DNAJC6: variants seen among roughly 807,000 people sequenced by gnomAD.
The protein encoded by DNAJC6 is auxilin.
Under a neutral mutation model 110.0 loss-of-function variants are expected in DNAJC6, and 34 were observed. That is an observed-to-expected ratio of 0.31 (90% CI 0.24 to 0.41). DNAJC6 has a LOEUF of 0.41. Ranked by LOEUF, DNAJC6 falls within the 10% of genes least tolerant of loss-of-function variation. DNAJC6 has a pLI of 1.00. For missense variants in DNAJC6, 1,031 were observed against 1,207.8 expected (o/e 0.85, Z 2.17); for synonymous variants, 406 against 437.2 (o/e 0.93, Z 0.89).
intron 1 of DNAJC6, among the ~76,000 whole-genome samples, chr1:65,316,395 A>G (rs1400574633): frequency 6.6e-6 from 1 of 152,248 alleles, no homozygotes; most frequent in Non-Finnish European, 1.5e-5. Context: ...GGCTGCATGC[A>G]ATGGTCATTC....
intron 1 of DNAJC6, among the ~76,000 whole-genome samples, chr1:65,344,819 C>T (rs929619684): frequency 6.6e-6 from 1 of 152,104 alleles, no homozygotes; most frequent in Non-Finnish European, 1.5e-5. Flanking sequence ...GACCACATAC[C>T]TTTGCTTGGT....
intron 15 of DNAJC6, 80 bp from the exon 16 acceptor site, chr1:65,405,790 A>G: frequency 6.7e-7 from 1 of 1,490,740 alleles, no homozygotes; most frequent in Non-Finnish European, 9.0e-7. Context: ...TATTAAAGCC[A>G]CTGCAAACAG....
At chr1:65,386,560 AAAGCAGGC>A (rs1200192837) in intron 7 of DNAJC6, among the ~76,000 whole-genome samples, 1 of 152,246 alleles carries the variant, frequency 6.6e-6, no homozygotes, top group East Asian at 1.9e-4. Flanking sequence ...TGAGATCTGC[AAAGCAGGC>A]ATGGGCAATT....
intron 1 of DNAJC6, among the ~76,000 whole-genome samples, chr1:65,335,623 G>A (rs2101468583): frequency 6.6e-6 from 1 of 152,272 alleles, no homozygotes; most frequent in Non-Finnish European, 1.5e-5. Flanking sequence ...GGGGAATAGT[G>A]GAATTGTAAG....
intron 1 of DNAJC6, among the ~76,000 whole-genome samples, chr1:65,273,740 G>A (rs925533306): frequency 1.3e-5 from 2 of 152,034 alleles, no homozygotes; most frequent in African/African-American, 4.8e-5. Context: ...CCATAAGGTA[G>A]TGTAACAACA....
In DNAJC6 at chr1:65,309,609, C is replaced by G; in HGVS notation, c.-137C>G. On this transcript the variant is annotated 5_prime_UTR_variant, in exon 1 of 19. Transcript: ENST00000371069. ...CGAAGCTTCTCTCCGGTGGCCGCTC[C>G]TTCTTTTCCCTCCTCTTTGCGTCAT... The G allele has an allele frequency of 7.4e-7, 1 of 1,351,588 alleles. No individual in the cohort carries two copies. Among genetic ancestry groups the G allele is most frequent in the South Asian group, 1.7e-5 (1 of 58,876 alleles). The allele number at this position is 1,351,588 out of a possible 1,614,324, so 83.7% of individuals were successfully genotyped here.
chr1:65,302,184 ATTATG>A lies in DNAJC6; in HGVS notation c.-131+37256_-131+37260del, dbSNP rs59330820. ...TATATATTATATTATACATTTATAT[ATTATG>A]TTAATATATACATTAATATATTATA... On this transcript the variant is annotated intron_variant, in intron 1 of 19. Transcript: ENST00000263441. Among the ~76,000 whole-genome samples the A allele has an allele frequency of 5.0e-5, 5 of 100,882 alleles. No individual in the cohort carries two copies. The East Asian group carries it at 1.1e-3, about 22-fold the overall frequency. The allele number at this position is 100,882 out of a possible 152,430, so 66.2% of individuals were successfully genotyped here.
intron 1 of DNAJC6, among the ~76,000 whole-genome samples, chr1:65,276,239 C>CAT (rs1175055328): frequency 6.6e-6 from 1 of 152,206 alleles, no homozygotes; most frequent in Non-Finnish European, 1.5e-5. Context: ...TTCTCAAATA[C>CAT]ATACATCACA....
intron 1 of DNAJC6, among the ~76,000 whole-genome samples, chr1:65,278,293 G>A (rs1043487557): frequency 6.6e-6 from 1 of 152,042 alleles, no homozygotes; most frequent in African/African-American, 2.4e-5. Flanking sequence ...TCAATATTAT[G>A]GCAATTCTAG....
intron 1 of DNAJC6, among the ~76,000 whole-genome samples, chr1:65,288,678 C>T (rs571329137): frequency 1.6e-4 from 25 of 152,260 alleles, no homozygotes; most frequent in Non-Finnish European, 2.9e-4. Context: ...TCCTGACAAC[C>T]CTCCAACCTC....
At chr1:65,319,621 GAAAAAATA>G (rs374216917) in intron 1 of DNAJC6, among the ~76,000 whole-genome samples, 7 of 151,002 alleles carry the variant, frequency 4.6e-5, no homozygotes, top group Non-Finnish European at 8.8e-5. Flanking sequence ...GAATTCTCTG[GAAAAAATA>G]AAAAAAACAA....
intron 11 of DNAJC6, among the ~76,000 whole-genome samples, chr1:65,389,857 T>A (rs1404331391): frequency 6.6e-6 from 1 of 152,080 alleles, no homozygotes; most frequent in Non-Finnish European, 1.5e-5. Context: ...CAAAAAATTT[T>A]AAAAAATTAG....
rs200138922 is a variant in DNAJC6 at position 65,411,302 on chromosome 1, C to T, written c.2687C>T (p.Thr896Met). The change falls in exon 18 of 19, where the codon ACG becomes ATG. Residue 896 changes from threonine to methionine, a missense_variant. Transcript: ENST00000371069. ...KERNIRALLS[T>M]MHTVLWAGET... The stretch of plus-strand genomic sequence containing the variant: ...AGAAATATCAGAGCCCTTCTTTCCA[C>T]GATGCATACCGTACTATGGGCTGGG... 4.7e-5 allele frequency: 76 copies of T among 1,613,864 alleles called. 1 individual carries two copies. Among genetic ancestry groups the T allele is most frequent in the South Asian group, 1.6e-4 (15 of 91,068 alleles).
At position 65,401,842 on chromosome 1, in the gene DNAJC6, C is replaced by G. The variant is rs1271898400; in HGVS notation, c.2189C>G (p.Pro730Arg). The G allele has an allele frequency of 6.2e-7, 1 of 1,613,608 alleles. No individual in the cohort carries two copies. Among genetic ancestry groups the G allele is most frequent in the Non-Finnish European group, 8.5e-7 (1 of 1,179,936 alleles). ...SHGTPTHQSK[P>R]QTLDPFADLG... The stretch of plus-strand genomic sequence containing the variant: ...GGTACTCCCACCCATCAAAGCAAAC[C>G]CCAGACTCTGGATCCTTTTGCCGAC... Residue 730 changes from proline to arginine, a missense_variant, in exon 15 of 19, where the codon CCC becomes CGC. Coordinates refer to ENST00000371069, the MANE Select transcript of DNAJC6 (RefSeq NM_001256864.2).
chr1:65,347,071 G>C (rs1645443412), intron 1 of DNAJC6, among the ~76,000 whole-genome samples: 1 of 152,122 alleles, frequency 6.6e-6, no homozygotes, highest in East Asian at 1.9e-4. Context: ...TGAGAGATAT[G>C]AGAGAAAAAA....
At chr1:65,320,371 A>G (rs1166864533) in intron 1 of DNAJC6, among the ~76,000 whole-genome samples, 7 of 152,098 alleles carry the variant, frequency 4.6e-5, no homozygotes, top group Admixed American at 1.3e-4. Context: ...ATATTGCTCT[A>G]TTTTCAACCC....
At chr1:65,370,825 G>A (rs1232035989) in intron 4 of DNAJC6, among the ~76,000 whole-genome samples, 3 of 152,174 alleles carry the variant, frequency 2.0e-5, no homozygotes, top group Non-Finnish European at 4.4e-5. Flanking sequence ...ATGATTGAAG[G>A]TCAATGTTTT....
intron 1 of DNAJC6, among the ~76,000 whole-genome samples, chr1:65,272,938 T>G (rs1384294831): frequency 6.6e-6 from 1 of 152,216 alleles, no homozygotes; most frequent in Non-Finnish European, 1.5e-5. Context: ...CATCTGAATT[T>G]CCACATGAGG....
chr1:65,327,259 T>A (rs921598680), intron 1 of DNAJC6, among the ~76,000 whole-genome samples: 2 of 152,196 alleles, frequency 1.3e-5, no homozygotes, highest in African/African-American at 4.8e-5. Flanking sequence ...CTTCATTCAT[T>A]CGTTTAGACA....
Sources: gnomAD v4.1 joint callset for allele counts (sites outside exome capture counted in the v4.1 genomes callset) on GRCh38, gnomAD v4.1.1 for gene constraint, MANE v1.5 for transcripts, NCBI Gene and HGNC (gene_info 2026-07-23, HGNC 2026-07-21) for gene names.